The following EPB41L5 variants were observed in gnomAD, a reference collection of about 807,000 sequenced individuals.
The protein encoded by EPB41L5 is erythrocyte membrane protein band 4.1 like 5, also known as band 4.1-like protein 5.
EPB41L5 carries 55 observed loss-of-function variants against 106.6 expected under a neutral mutation model. The ratio of observed to expected loss-of-function variants is 0.52; its 90% confidence interval spans 0.42 to 0.65. The LOEUF is 0.65. Among genes scored for constraint, EPB41L5 ranks in the 30% least tolerant of loss-of-function variants. The pLI, the probability that EPB41L5 is intolerant of heterozygous loss-of-function variation, is 0.00. For missense variants in EPB41L5, 871 were observed against 882.1 expected (o/e 0.99, Z 0.16); for synonymous variants, 297 against 306.7 (o/e 0.97, Z 0.33).
At chr2:120,128,765 G>T (rs1685567736) in intron 17 of EPB41L5, among the ~76,000 whole-genome samples, 2 of 151,628 alleles carry the variant, frequency 1.3e-5, no homozygotes, top group Admixed American at 1.3e-4. Flanking sequence ...TCTCAGGTCA[G>T]AGAAATAATA....
At chr2:120,025,294 AGTATT>A (rs1678228782) in intron 2 of EPB41L5, among the ~76,000 whole-genome samples, 1 of 152,212 alleles carries the variant, frequency 6.6e-6, no homozygotes, top group Admixed American at 6.5e-5. Flanking sequence ...AGGTGTTCAT[AGTATT>A]CTCTGATGGT....
At chr2:120,076,417 T>C (rs1682236904) in intron 7 of EPB41L5, among the ~76,000 whole-genome samples, 1 of 151,382 alleles carries the variant, frequency 6.6e-6, no homozygotes, top group Admixed American at 6.6e-5. Flanking sequence ...TCAAACGATC[T>C]TCCTGCCTGA....
chr2:120,037,576 G>C (rs1243055232), intron 2 of EPB41L5, among the ~76,000 whole-genome samples: 1 of 152,068 alleles, frequency 6.6e-6, no homozygotes, highest in Non-Finnish European at 1.5e-5. Context: ...CAGTGCTTTG[G>C]GTGGCTAAGG....
rs758315449 is a variant in EPB41L5, at chr2:120,077,233, C to G, written c.631C>G (p.Gln211Glu). Residue 211 changes from glutamine (Q) to glutamate (E), a missense_variant, in exon 9 of 25, where the codon CAA becomes GAA. Physicochemically the swap from Gln to Glu is conservative, Grantham distance 29. Transcript: ENST00000263713. ...AATCATTGTTTTAAATTTCAGAGGT[C>G]AAACACCAGCACAGGCTGAAACCAA... is the stretch of plus-strand genomic sequence containing the variant. Reference protein sequence around the residue: ...IFEKWKEYRGQTPAQAETNYL... With the variant: ...IFEKWKEYRGETPAQAETNYL... 1.1e-5 allele frequency: 17 copies of G among 1,607,824 alleles called. No homozygotes were observed. In the East Asian group the frequency reaches 3.8e-4, roughly 36 times the overall value.
chr2:120,049,598 G>A (rs1206420755), intron 3 of EPB41L5, among the ~76,000 whole-genome samples: 1 of 151,994 alleles, frequency 6.6e-6, no homozygotes, highest in Non-Finnish European at 1.5e-5. Flanking sequence ...CAGTACACTG[G>A]GGGGTCTTGA....
chr2:120,054,552 G>T (rs1175497632), intron 3 of EPB41L5, among the ~76,000 whole-genome samples: 1 of 151,196 alleles, frequency 6.6e-6, no homozygotes, highest in African/African-American at 2.4e-5. Flanking sequence ...TCACCAGGCT[G>T]GAGTGCAGTG....
intron 11 of EPB41L5, among the ~76,000 whole-genome samples, chr2:120,088,197 C>T (rs1281660362): frequency 6.6e-6 from 1 of 151,966 alleles, no homozygotes; most frequent in African/African-American, 2.4e-5. Context: ...TTCCTCTGCT[C>T]AGTAATTTGA....
chr2:120,027,273 A>G (rs116265685), intron 2 of EPB41L5, among the ~76,000 whole-genome samples: 330 of 152,372 alleles, frequency 2.2e-3, no homozygotes, highest in African/African-American at 7.7e-3. Context: ...TAATAGTTAA[A>G]AAGTAGAAAT....
Position 120,077,102 on chromosome 2 carries a change from T to C in EPB41L5, c.626+11T>C. 6.2e-7 allele frequency: 1 copy of C among 1,607,546 alleles called. No individual in the cohort carries two copies. Among genetic ancestry groups the C allele is most frequent in the Non-Finnish European group, 8.5e-7 (1 of 1,177,424 alleles). Reference sequence around the variant, plus strand: ...ATGGAAGGAATACAGGTATCTGGCGTTTGACCATACTTTCTTTAAAATCAC... The same window carrying C: ...ATGGAAGGAATACAGGTATCTGGCGCTTGACCATACTTTCTTTAAAATCAC... On this transcript the variant is annotated intron_variant, in intron 8 of 24. Coordinates refer to ENST00000263713, the MANE Select transcript of EPB41L5 (RefSeq NM_020909.4).
chr2:120,088,720 T>A (rs2105361213), intron 11 of EPB41L5, among the ~76,000 whole-genome samples: 1 of 99,730 alleles, frequency 1.0e-5, no homozygotes, highest in Non-Finnish European at 2.6e-5. Context: ...GCAATGTTAT[T>A]GGTGTTTTTT....
rs75667179 is a variant in EPB41L5 at position 120,105,737 on chromosome 2, C to A, written c.1337+4923C>A. ...ATCGTTTAGCAAGCTTAAAAATGGC[C>A]ACTAATGTATGGCCCTTATAGTTGT... On this transcript the variant is annotated intron_variant, in intron 16 of 24. Transcript: ENST00000263713. The A allele has an allele frequency of 5.0e-3, 4,880 of 985,332 alleles. 174 individuals carry two copies. In the African/African-American group the frequency reaches 0.076, roughly 15 times the overall value. The allele number at this position is 985,332 out of a possible 1,614,324, so 61.0% of individuals were successfully genotyped here. A position where few individuals can be genotyped will look rare whatever the true frequency, so the allele number is the denominator to read the frequency against.
intron 22 of EPB41L5, 150 bp downstream of exon 22, chr2:120,165,060 C>T: frequency 1.7e-6 from 1 of 595,506 alleles, no homozygotes; most frequent in South Asian, 2.2e-5. Flanking sequence ...CATTGCCTCT[C>T]TGTCCTAAAA....
chr2:120,061,188 A>G (rs4353650), intron 3 of EPB41L5, among the ~76,000 whole-genome samples: 101,989 of 148,124 alleles, frequency 0.69, 36,639 homozygotes, highest in Non-Finnish European at 0.79. Context: ...CTACAGGCAC[A>G]CACCACCATG....
At chr2:120,098,980 A>T (rs936978065) in intron 14 of EPB41L5, among the ~76,000 whole-genome samples, 23 of 152,218 alleles carry the variant, frequency 1.5e-4, no homozygotes, top group Non-Finnish European at 3.1e-4. Flanking sequence ...GCCTTTGCCA[A>T]CCTGATAATT....
chr2:120,028,700 T>C (rs1470325394), intron 2 of EPB41L5, among the ~76,000 whole-genome samples: 1 of 151,718 alleles, frequency 6.6e-6, no homozygotes, highest in African/African-American at 2.4e-5. Flanking sequence ...AGTACATGGA[T>C]ATGGTTGGCG....
intron 22 of EPB41L5, among the ~76,000 whole-genome samples, chr2:120,165,222 A>C (rs886128312): frequency 3.9e-5 from 6 of 152,226 alleles, no homozygotes; most frequent in African/African-American, 1.4e-4. Context: ...AAAAAGTTTT[A>C]TAGAAAGATG....
chr2:120,080,644 G>A (rs373187403), intron 10 of EPB41L5, among the ~76,000 whole-genome samples: 2 of 152,266 alleles, frequency 1.3e-5, no homozygotes, highest in Admixed American at 1.3e-4. Flanking sequence ...GGCTGGGTCA[G>A]ATGGTATTTC....
Position 120,075,711 on chromosome 2 carries a change from C to T in EPB41L5, c.463C>T (p.Pro155Ser), listed in dbSNP as rs1459292528. Residue 155 changes from proline (P) to serine (S), a missense_variant, in exon 7 of 25, where the codon CCC becomes TCC. Transcript: ENST00000263713. ...QDILSGKLDC[P>S]FDTAVQLAAY... ...GTGTTTTGGTCTCAGATTAGACTGT[C>T]CCTTTGATACAGCAGTGCAATTGGC... 5 of 1,613,412 alleles carry T rather than the reference C, an allele frequency of 3.1e-6. No individual in the cohort carries two copies. The highest frequency in any genetic ancestry group is 2.2e-5 in the East Asian group (1 of 44,800).
At chr2:120,070,615 G>A (rs184192332) in intron 3 of EPB41L5, among the ~76,000 whole-genome samples, 2 of 152,042 alleles carry the variant, frequency 1.3e-5, no homozygotes, top group African/African-American at 2.4e-5. Context: ...TGAATCCAGC[G>A]GCACATCAGA....
Sources: gnomAD v4.1 joint callset for allele counts (sites outside exome capture counted in the v4.1 genomes callset) on GRCh38, gnomAD v4.1.1 for gene constraint, MANE v1.5 for transcripts, NCBI Gene and HGNC (gene_info 2026-07-23, HGNC 2026-07-21) for gene names.